Variants in LRRC38 observed in about 807,000 individuals in gnomAD.
LRRC38 encodes the protein leucine rich repeat containing 38.
Under a neutral mutation model 16.4 loss-of-function variants are expected in LRRC38, and 5 were observed. The observed-to-expected ratio is 0.31, with a 90% CI of 0.16 to 0.64. The LOEUF (loss-of-function observed/expected upper bound fraction) is 0.64. Among genes scored for constraint, LRRC38 ranks in the 30% least tolerant of loss-of-function variants. LRRC38 has a pLI of 0.80. For synonymous variants in LRRC38, 191 were observed against 190.2 expected, an observed-to-expected ratio of 1.00 and a Z score of -0.04; for missense variants, 341 against 401.8, an observed-to-expected ratio of 0.85 and a Z score of 1.29.
chr1:13,505,173 T>G (rs990562149), intron 1 of LRRC38, among the ~76,000 whole-genome samples: 11 of 152,212 alleles, frequency 7.2e-5, no homozygotes, highest in Non-Finnish European at 1.5e-4. Flanking sequence ...CATCAGCCAC[T>G]CCCGCTGTGC....
chr1:13,480,853 A>T (rs539684286), intron 1 of LRRC38, among the ~76,000 whole-genome samples: 1 of 152,324 alleles, frequency 6.6e-6, no homozygotes, highest in African/African-American at 2.4e-5. Context: ...GCACGAGAAC[A>T]GACTAATACA....
rs191382915 is a variant in LRRC38 at position 13,494,604 on chromosome 1, G to C, written c.631+18359C>G. On this transcript the variant is annotated intron_variant, in intron 1 of 1. Transcript: ENST00000376085. ...AAAGGCACTGAATTTAAACCATGGT[G>C]GATCGAAATCAAAAGCCTGTGTTCT... Among the ~76,000 whole-genome samples, 7 of 152,236 alleles carry C rather than the reference G, an allele frequency of 4.6e-5. No individual in the cohort carries two copies. The East Asian group carries it at 1.4e-3, about 29-fold the overall frequency.
chr1:13,502,783 C>T (rs1022970013), intron 1 of LRRC38, among the ~76,000 whole-genome samples: 3 of 152,192 alleles, frequency 2.0e-5, no homozygotes, highest in Non-Finnish European at 4.4e-5. Context: ...AGTTAGGTGA[C>T]CTGTCAAGTG....
At chr1:13,511,859 C>T (rs1460018800) in intron 1 of LRRC38, among the ~76,000 whole-genome samples, 1 of 152,110 alleles carries the variant, frequency 6.6e-6, no homozygotes, top group Non-Finnish European at 1.5e-5. Context: ...CACCCCGAAG[C>T]ATGGGGTGTG....
intron 1 of LRRC38, among the ~76,000 whole-genome samples, chr1:13,508,769 G>T (rs368378038): frequency 5.3e-5 from 8 of 152,252 alleles, no homozygotes; most frequent in East Asian, 3.9e-4. Flanking sequence ...TCAGGCAAGC[G>T]CCGGGTTTGT....
At chr1:13,483,910 C>A (rs909392724) in intron 1 of LRRC38, among the ~76,000 whole-genome samples, 4 of 143,070 alleles carry the variant, frequency 2.8e-5, no homozygotes, top group African/African-American at 1.1e-4. Flanking sequence ...AGAAACAGAA[C>A]CAACAGAGAG....
chr1:13,509,846 G>A (rs1033802822), intron 1 of LRRC38, among the ~76,000 whole-genome samples: 1 of 152,144 alleles, frequency 6.6e-6, no homozygotes, highest in African/African-American at 2.4e-5. Context: ...GTGAGTTACT[G>A]CACCACAGAG....
chr1:13,486,745 C>T (rs1638940421), intron 1 of LRRC38, among the ~76,000 whole-genome samples: 1 of 152,088 alleles, frequency 6.6e-6, no homozygotes, highest in African/African-American at 2.4e-5. Context: ...CACACACCAC[C>T]ACGCCCAGCT....
At chr1:13,489,324 C>T (rs139042498) in intron 1 of LRRC38, among the ~76,000 whole-genome samples, 3 of 152,334 alleles carry the variant, frequency 2.0e-5, no homozygotes, top group African/African-American at 7.2e-5. Flanking sequence ...AACCCAAAGG[C>T]CCAAGAAATA....
chr1:13,503,155 A>G (rs1038426447), intron 1 of LRRC38, among the ~76,000 whole-genome samples: 2 of 152,212 alleles, frequency 1.3e-5, no homozygotes, highest in African/African-American at 4.8e-5. Context: ...CATCAGAATG[A>G]AAAGGGGCCC....
At chr1:13,501,740 C>T (rs930222892) in intron 1 of LRRC38, among the ~76,000 whole-genome samples, 12 of 150,440 alleles carry the variant, frequency 8.0e-5, no homozygotes, top group Middle Eastern at 3.4e-3. Flanking sequence ...ATTACAGGTG[C>T]GCGCCACCAT....
chr1:13,502,793 G>C (rs1639165741), intron 1 of LRRC38, among the ~76,000 whole-genome samples: 1 of 152,198 alleles, frequency 6.6e-6, no homozygotes. Flanking sequence ...CCTGTCAAGT[G>C]AAGGAGGTCC....
intron 1 of LRRC38, 34 bp downstream of exon 1, chr1:13,512,929 C>CCCCA: frequency 8.4e-7 from 1 of 1,184,648 alleles, no homozygotes; most frequent in Non-Finnish European, 1.2e-6. Flanking sequence ...CTGCCCCCCT[C>CCCCA]CCTCCCTCCC....
At chr1:13,499,884 A>G (rs1230221664) in intron 1 of LRRC38, among the ~76,000 whole-genome samples, 1 of 152,154 alleles carries the variant, frequency 6.6e-6, no homozygotes, top group Non-Finnish European at 1.5e-5. Flanking sequence ...CCAAATCACT[A>G]AGCCAAAGGG....
In LRRC38 at chr1:13,488,098, C is replaced by T. The variant is rs1055871701; in HGVS notation, c.632-11999G>A. Among the ~76,000 whole-genome samples, 10 of 151,482 alleles carry T rather than the reference C, an allele frequency of 6.6e-5. No individual in the cohort carries two copies. The East Asian group carries it at 9.8e-4, about 15-fold the overall frequency. On this transcript the variant is annotated intron_variant, in intron 1 of 1. Transcript: ENST00000376085. ...TACCAAGCAGAAATGCACTCCACCACTCTGTCGGATAACCATACTGGGAAC... is the reference window on the plus strand; with the variant it reads ...TACCAAGCAGAAATGCACTCCACCATTCTGTCGGATAACCATACTGGGAAC...
chr1:13,495,713 G>T (rs1639072919), intron 1 of LRRC38, among the ~76,000 whole-genome samples: 1 of 152,130 alleles, frequency 6.6e-6, no homozygotes, highest in Admixed American at 6.6e-5. Flanking sequence ...CTGCTTGAAT[G>T]CCCCTGGTGA....
chr1:13,476,094 C>G lies in LRRC38; in HGVS notation c.637G>C (p.Asp213His). Reference protein sequence around the residue: ...ENASKLPKGLDEIQCSLPMES... With the variant: ...ENASKLPKGLHEIQCSLPMES... ...ATGGGCAGGGAGCACTGGATTTCAT[C>G]AAGGCCTGAGAAAAGGCAGGCAGAG... is the stretch of plus-strand genomic sequence containing the variant. Residue 213 changes from aspartate (D) to histidine (H), a missense_variant, in exon 2 of 2, where the codon GAT becomes CAT. By Grantham distance (81) the Asp-to-His change is moderately conservative. Coordinates refer to ENST00000376085, the MANE Select transcript of LRRC38 (RefSeq NM_001010847.2). The G allele has an allele frequency of 1.9e-6, 3 of 1,550,442 alleles. No individual in the cohort carries two copies. Among genetic ancestry groups the G allele is most frequent in the Non-Finnish European group, 2.6e-6 (3 of 1,146,884 alleles).
At chr1:13,509,768 A>T (rs759897645) in intron 1 of LRRC38, among the ~76,000 whole-genome samples, 3 of 151,898 alleles carry the variant, frequency 2.0e-5, no homozygotes, top group Admixed American at 6.6e-5. Flanking sequence ...TCCTACCTAC[A>T]CTCTTTGTTT....
chr1:13,478,075 C>T (rs756074512), intron 1 of LRRC38, among the ~76,000 whole-genome samples: 3 of 152,176 alleles, frequency 2.0e-5, no homozygotes, highest in Non-Finnish European at 4.4e-5. Flanking sequence ...CTGTTTGTTA[C>T]CAAGCATAAT....
Sources: allele counts gnomAD v4.1 joint callset (sites outside exome capture counted in the v4.1 genomes callset), GRCh38; gene constraint gnomAD v4.1.1; transcripts MANE v1.5; gene names NCBI Gene and HGNC (gene_info 2026-07-23, HGNC 2026-07-21).